The following SATL1 variants were observed in gnomAD, a reference collection of about 807,000 sequenced individuals.
SATL1 encodes spermidine/spermine N1-acetyl transferase like 1, also known as spermidine/spermine N(1)-acetyltransferase-like protein 1.
Under a neutral mutation model 51.8 loss-of-function variants are expected in SATL1, and 47 were observed. The observed-to-expected ratio is 0.91, with a 90% CI of 0.72 to 1.16. The LOEUF is 1.16. Among genes scored for constraint, SATL1 ranks in the 50% most tolerant of loss-of-function variants. The pLI is 0.00. For synonymous variants in SATL1, 176 were observed against 182.4 expected (o/e 0.97, Z 0.28); for missense variants, 520 against 526.4 (o/e 0.99, Z 0.12).
intron 2 of SATL1, among the ~76,000 whole-genome samples, chrX:85,132,009 G>T (rs960263463): frequency 3.6e-5 from 4 of 111,363 alleles, no homozygotes; most frequent in African/African-American, 9.8e-5. Context: ...GGTTTCTACC[G>T]AGAGATCTGC....
At chrX:85,190,937 A>G (rs1303509595) in intron 2 of SATL1, among the ~76,000 whole-genome samples, 1 of 92,687 alleles carries the variant, frequency 1.1e-5, no homozygotes, top group Non-Finnish European at 2.1e-5. Flanking sequence ...TGGACACAGG[A>G]TGGGGAACAT....
chrX:85,190,424 A>G (rs963102800), intron 2 of SATL1, among the ~76,000 whole-genome samples: 2 of 111,541 alleles, frequency 1.8e-5, no homozygotes, highest in Non-Finnish European at 3.8e-5. Context: ...TTTTCAAGGA[A>G]CTCAATCTCA....
intron 2 of SATL1, among the ~76,000 whole-genome samples, chrX:85,223,004 G>A (rs1602924376): frequency 8.9e-6 from 1 of 112,105 alleles, no homozygotes; most frequent in East Asian, 2.8e-4. Context: ...TAACTACAAT[G>A]TTATAGTCTT....
chrX:85,146,606 C>T (rs1315238261), intron 2 of SATL1, among the ~76,000 whole-genome samples: 2 of 112,310 alleles, frequency 1.8e-5, no homozygotes, highest in Admixed American at 9.4e-5. Context: ...AATCTATCAC[C>T]TGTGAATAAG....
chrX:85,132,093 A>T lies in SATL1; in HGVS notation c.-312-22813T>A, dbSNP rs982276799. Among the ~76,000 whole-genome samples, 3 of 109,778 alleles carry T rather than the reference A, an allele frequency of 2.7e-5. No individual in the cohort carries two copies. In the South Asian group the frequency reaches 1.2e-3, roughly 43 times the overall value. Reference sequence around the variant, plus strand: ...GGCTGCCCTTGACATTTTTTCCTTCATTTCAACCTTGGTGTATCTGACAAT... The same window carrying T: ...GGCTGCCCTTGACATTTTTTCCTTCTTTTCAACCTTGGTGTATCTGACAAT... On this transcript the variant is annotated intron_variant, in intron 2 of 7. Coordinates refer to ENST00000644105, the MANE Select transcript of SATL1 (RefSeq NM_001367857.2).
chrX:85,214,285 T>A (rs1038635166), intron 2 of SATL1, among the ~76,000 whole-genome samples: 1 of 111,187 alleles, frequency 9.0e-6, no homozygotes, highest in Non-Finnish European at 1.9e-5. Context: ...TGTGCAGAGA[T>A]CACGTAGCAA....
intron 2 of SATL1, among the ~76,000 whole-genome samples, chrX:85,220,790 G>A (rs1928160865): frequency 9.3e-6 from 1 of 107,273 alleles, no homozygotes; most frequent in South Asian, 4.4e-4. Context: ...GTGGAGAAGG[G>A]GAAATTAGGA....
At chrX:85,112,781 C>A (rs935917337) in intron 2 of SATL1, among the ~76,000 whole-genome samples, 1 of 111,187 alleles carries the variant, frequency 9.0e-6, no homozygotes, top group African/African-American at 3.3e-5. Context: ...TATAGGGAGA[C>A]TGCCTTTCCT....
chrX:85,171,186 T>C (rs1926964152), intron 2 of SATL1, among the ~76,000 whole-genome samples: 1 of 111,481 alleles, frequency 9.0e-6, no homozygotes, highest in South Asian at 3.7e-4. Flanking sequence ...CTTATTCTCA[T>C]TCCTGTATTG....
chrX:85,196,698 G>A (rs1380317581), intron 2 of SATL1, among the ~76,000 whole-genome samples: 4 of 111,563 alleles, frequency 3.6e-5, no homozygotes, highest in Non-Finnish European at 7.5e-5. Flanking sequence ...CACATTTATT[G>A]TCAAGTGATT....
At chrX:85,127,403 C>T (rs1435991759) in intron 2 of SATL1, among the ~76,000 whole-genome samples, 1 of 111,465 alleles carries the variant, frequency 9.0e-6, no homozygotes, top group African/African-American at 3.3e-5. Flanking sequence ...GTATCAGATC[C>T]AAGAACCAAG....
At chrX:85,243,030 C>T (rs1446339247) in intron 1 of SATL1, among the ~76,000 whole-genome samples, 1 of 111,987 alleles carries the variant, frequency 8.9e-6, no homozygotes, top group Non-Finnish European at 1.9e-5. Context: ...CTACTATGAG[C>T]CAGGTACTGT....
At chrX:85,096,862 C>CAA (rs202038531) in intron 4 of SATL1, among the ~76,000 whole-genome samples, 1 of 42,781 alleles carries the variant, frequency 2.3e-5, no homozygotes, top group African/African-American at 7.8e-5. Context: ...CCAGCCCCCT[C>CAA]AAAAAAAAAA....
chrX:85,176,013 G>A (rs905132174), intron 2 of SATL1, among the ~76,000 whole-genome samples: 1 of 110,832 alleles, frequency 9.0e-6, no homozygotes, highest in South Asian at 3.8e-4. Flanking sequence ...AAGATATCCA[G>A]GATAAATATT....
Position 85,232,677 on chromosome X carries a change from G to A in SATL1, c.-434-8351C>T, listed in dbSNP as rs1928406722. On this transcript the variant is annotated intron_variant, in intron 1 of 7. Coordinates refer to ENST00000644105, the MANE Select transcript of SATL1 (RefSeq NM_001367857.2). Reference sequence around the variant, plus strand: ...GCAGTACTCGCCATGGCTCTGGGATGTTGGTGGCCACAGGAAGCAACTCCT... The same window carrying A: ...GCAGTACTCGCCATGGCTCTGGGATATTGGTGGCCACAGGAAGCAACTCCT... Among the ~76,000 whole-genome samples, 3 of 112,015 alleles carry A rather than the reference G, an allele frequency of 2.7e-5. No individual in the cohort carries two copies. The Admixed American group carries it at 2.8e-4, about 11-fold the overall frequency.
chrX:85,167,081 A>G (rs2147732083), intron 2 of SATL1, among the ~76,000 whole-genome samples: 1 of 108,393 alleles, frequency 9.2e-6, no homozygotes, highest in Non-Finnish European at 1.9e-5. Flanking sequence ...GGAACAAAAT[A>G]ATGGCATTCT....
At chrX:85,171,832 T>A (rs1926978437) in intron 2 of SATL1, among the ~76,000 whole-genome samples, 1 of 111,631 alleles carries the variant, frequency 9.0e-6, no homozygotes, top group African/African-American at 3.2e-5. Context: ...AGTGAACAAA[T>A]CCTCTCTCAT....
Position 85,092,355 on chromosome X carries a change from G to A in SATL1, c.*36C>T. The A allele has an allele frequency of 8.8e-7, 1 of 1,141,025 alleles. No individual in the cohort carries two copies. Among genetic ancestry groups the A allele is most frequent in the Non-Finnish European group, 1.2e-6 (1 of 860,435 alleles). The allele number at this position is 1,141,025 out of a possible 1,213,427, so 94.0% of individuals were successfully genotyped here. ...AGACTCAGGTGACAGTCAAATGTTG[G>A]AGGCTGTGTTGGGATGAGTTGTTAC... On this transcript the variant is annotated 3_prime_UTR_variant, in exon 8 of 8. Coordinates refer to ENST00000644105, the MANE Select transcript of SATL1 (RefSeq NM_001367857.2).
intron 2 of SATL1, among the ~76,000 whole-genome samples, chrX:85,214,981 C>T (rs1162879596): frequency 2.7e-5 from 3 of 111,965 alleles, no homozygotes; most frequent in African/African-American, 6.5e-5. Flanking sequence ...TACAGTTTTA[C>T]GAGGCTGCAG....
Sources: allele counts gnomAD v4.1 joint callset (sites outside exome capture counted in the v4.1 genomes callset), GRCh38; gene constraint gnomAD v4.1.1; transcripts MANE v1.5; gene names NCBI Gene and HGNC (gene_info 2026-07-23, HGNC 2026-07-21).